Variants in UNC93B1 observed in about 807,000 individuals in gnomAD.
UNC93B1 encodes the protein unc-93B1 regulator of TLR signaling.
UNC93B1 carries 33 observed loss-of-function variants against 56.8 expected under a neutral mutation model. That is an observed-to-expected ratio of 0.58 (90% CI 0.44 to 0.78). UNC93B1 has a LOEUF of 0.78. UNC93B1 is among the 30% of genes least tolerant of loss of function. The pLI is 0.00. For synonymous variants in UNC93B1, 334 were observed against 358.6 expected, an observed-to-expected ratio of 0.93 and a Z score of 0.77; for missense variants, 673 against 819.5, an observed-to-expected ratio of 0.82 and a Z score of 2.18.
intron 5 of UNC93B1, among the ~76,000 whole-genome samples, chr11:67,998,943 G>T (rs1414668994): frequency 6.6e-6 from 1 of 152,038 alleles, no homozygotes; most frequent in Non-Finnish European, 1.5e-5. Flanking sequence ...AAATGAAGGT[G>T]GGGCAGATAC....
chr11:67,992,652 CTT>C (rs551140497), intron 10 of UNC93B1, among the ~76,000 whole-genome samples: 1 of 134,382 alleles, frequency 7.4e-6, no homozygotes, highest in Non-Finnish European at 1.6e-5. Flanking sequence ...CACTGCTTTT[CTT>C]TTTTTTTTTT....
In UNC93B1 at chr11:67,991,616, G is replaced by C. The variant is rs535779712; in HGVS notation, c.1724C>G (p.Pro575Arg). Residue 575 changes from proline to arginine, a missense_variant, in exon 11 of 11, where the codon CCC (proline) becomes CGC (arginine). Around this residue, in one of 3 missense-constraint regions of UNC93B1, gnomAD observed 80 missense variants for 85.3 expected, o/e 0.94. Coordinates refer to ENST00000227471, the MANE Select transcript of UNC93B1 (RefSeq NM_030930.4). ...GCAGGGCCGGCGGCCGAGTCCAGCG[G>C]GCTCGGGGCCAGGCCTGGGCCCTGC... ...PPAGPRPGPE[P>R]AGLGRRPCPY... The C allele has an allele frequency of 6.7e-7, 1 of 1,501,372 alleles. No individual in the cohort carries two copies. Among genetic ancestry groups the C allele is most frequent in the East Asian group, 2.6e-5 (1 of 38,304 alleles). The allele number at this position is 1,501,372 out of a possible 1,614,324, so 93.0% of individuals were successfully genotyped here.
At position 67,991,745 on chromosome 11, in the gene UNC93B1, G is replaced by A. The variant is rs1169184759; in HGVS notation, c.1595C>T (p.Pro532Leu). 1.9e-6 allele frequency: 3 copies of A among 1,538,996 alleles called. No individual in the cohort carries two copies. Among genetic ancestry groups the A allele is most frequent in the Admixed American group, 1.9e-5 (1 of 51,724 alleles). Residue 532 changes from proline to leucine, a missense_variant, in exon 11 of 11, where the codon CCC (proline) becomes CTC (leucine). Transcript: ENST00000227471. ...GCGGTAACCGCGCACCTTGTGCTGG[G>A]GCCGCGGGATGCGGGGCTGGCGCGG... ...VAPRQPRIPR[P>L]QHKVRGYRYL...
chr11:67,995,866 C>G lies in UNC93B1; in HGVS notation c.1108G>C (p.Val370Leu). The change falls in exon 9 of 11, where the codon GTG becomes CTG. Residue 370 changes from valine (V) to leucine (L), a missense_variant. Val to Leu is a conservative substitution (Grantham distance 32, BLOSUM62 1). Coordinates refer to ENST00000227471, the MANE Select transcript of UNC93B1 (RefSeq NM_030930.4). ...AGGTAAGCCAGCCGCTCCAGCCCCA[C>G]CGAGCACACGCCATAGCCCTGCGGG... is the stretch of plus-strand genomic sequence containing the variant. The part of the protein sequence containing the change: ...GIALGYGVCS[V>L]GLERLAYLLV... The G allele has an allele frequency of 6.5e-7, 1 of 1,530,462 alleles. No individual in the cohort carries two copies. The allele number at this position is 1,530,462 out of a possible 1,614,324, so 94.8% of individuals were successfully genotyped here. A position where few individuals can be genotyped will look rare whatever the true frequency, so the allele number is the denominator to read the frequency against.
intron 9 of UNC93B1, among the ~76,000 whole-genome samples, chr11:67,995,307 T>A (rs1856919548): frequency 6.6e-6 from 1 of 152,036 alleles, no homozygotes; most frequent in African/African-American, 2.4e-5. Context: ...GACCCTCCAG[T>A]GTTGATGGGG....
rs889626957 is a variant in UNC93B1, at chr11:68,003,066, G to A, written c.348C>T (p.Asn116=). ...DIDSKMLMGI[N]VTPIAALLYT... The stretch of plus-strand genomic sequence containing the variant: ...AGAGCAGGGCGGCGATGGGAGTCAC[G>A]TTGATGCCCATCAGCATTTTGCTGT... Residue 116 remains asparagine, a synonymous_variant, in exon 3 of 11, where the codon AAC becomes AAT. Coordinates refer to ENST00000227471, the MANE Select transcript of UNC93B1 (RefSeq NM_030930.4). This position sits in a 1 kb window ranked among gnomAD's most constrained non-coding sequence, Gnocchi z 4.4. The A allele has an allele frequency of 9.9e-6, 16 of 1,612,810 alleles. No homozygotes were observed. The highest frequency in any genetic ancestry group is 1.4e-5 in the Non-Finnish European group (16 of 1,179,606).
Position 68,003,757 on chromosome 11 carries a change from C to G in UNC93B1, c.138G>C (p.Glu46Asp). The change falls in exon 2 of 11, where the codon GAG becomes GAC. Residue 46 changes from glutamate (E) to aspartate (D), a missense_variant. Glu to Asp is a conservative substitution (Grantham distance 45, BLOSUM62 2). Coordinates refer to ENST00000227471, the MANE Select transcript of UNC93B1 (RefSeq NM_030930.4). The surrounding 1 kb of genome is among the most constrained non-coding windows in gnomAD (Gnocchi z 4.4). ...LVGAYPNYNE[E>D]EEERRYYRRK... ...GGCGGTAGTAGCGGCGCTCCTCCTCCTCCTCGTTGTAGTTGGGGTACGCGC... is the reference window on the plus strand; with the variant it reads ...GGCGGTAGTAGCGGCGCTCCTCCTCGTCCTCGTTGTAGTTGGGGTACGCGC... 1.3e-6 allele frequency: 2 copies of G among 1,522,478 alleles called. No individual in the cohort carries two copies. The highest frequency in any genetic ancestry group is 1.8e-6 in the Non-Finnish European group (2 of 1,141,444). The allele number at this position is 1,522,478 out of a possible 1,614,324, so 94.3% of individuals were successfully genotyped here.
chr11:67,995,316 G>A (rs1856919619), intron 9 of UNC93B1, among the ~76,000 whole-genome samples: 1 of 152,078 alleles, frequency 6.6e-6, no homozygotes, highest in Non-Finnish European at 1.5e-5. Flanking sequence ...GTGTTGATGG[G>A]GCCCTGTGCC....
rs1392633933 is a variant in UNC93B1, at chr11:68,003,641, C to T, written c.238+16G>A. 3.3e-6 allele frequency: 5 copies of T among 1,512,876 alleles called. No homozygotes were observed. Among genetic ancestry groups the T allele is most frequent in the African/African-American group, 1.4e-5 (1 of 69,688 alleles). 93.7% of individuals were successfully genotyped at this position (1,512,876 alleles called of 1,614,324 possible). ...GGAGCGGGCGGGGCGGCCCCGGGTC[C>T]CCGAGCGGCACCTACCCAGGTAGAC... is the stretch of plus-strand genomic sequence containing the variant. On this transcript the variant is annotated intron_variant, in intron 2 of 10. Transcript: ENST00000227471. The surrounding 1 kb of genome is among the most constrained non-coding windows in gnomAD (Gnocchi z 4.4).
At chr11:67,996,408 A>G (rs1298357397) in intron 8 of UNC93B1, among the ~76,000 whole-genome samples, 194 bp downstream of exon 8, 1 of 152,128 alleles carries the variant, frequency 6.6e-6, no homozygotes, top group Non-Finnish European at 1.5e-5. Context: ...TTCGATTCAG[A>G]GAAGTTAAAA....
rs2134360664 is a variant in UNC93B1, at chr11:67,996,641, G to A, written c.1050C>T (p.Ser350=). ...LRHLVPFFIY[S]GFEVLFACTG... ...TGCAGGCAAAGAGCACCTCGAAGCC[G>A]CTGTAGATAAAGAAAGGCACGAGGT... The change falls in exon 8 of 11, where the codon AGC becomes AGT. Residue 350 remains serine, a synonymous_variant. Coordinates refer to ENST00000227471, the MANE Select transcript of UNC93B1 (RefSeq NM_030930.4). 6.4e-7 allele frequency: 1 copy of A among 1,551,484 alleles called. No individual in the cohort carries two copies. The highest frequency in any genetic ancestry group is 2.4e-5 in the East Asian group (1 of 40,918).
chr11:68,004,067 G>A lies in UNC93B1; in HGVS notation c.-24C>T. On this transcript the variant is annotated 5_prime_UTR_variant, in exon 1 of 11. Coordinates refer to ENST00000227471, the MANE Select transcript of UNC93B1 (RefSeq NM_030930.4). ...ATGGCCCGAACTACTGCGGACTCGCGGCGGTCGCCCCGGAGTCCCTGCGAC... is the reference window on the plus strand; with the variant it reads ...ATGGCCCGAACTACTGCGGACTCGCAGCGGTCGCCCCGGAGTCCCTGCGAC... 3 of 1,324,552 alleles carry A rather than the reference G, an allele frequency of 2.3e-6. No individual in the cohort carries two copies. The highest frequency in any genetic ancestry group is 2.9e-6 in the Non-Finnish European group (3 of 1,035,210). The allele number at this position is 1,324,552 out of a possible 1,614,324, so 82.0% of individuals were successfully genotyped here.
intron 9 of UNC93B1, among the ~76,000 whole-genome samples, chr11:67,994,830 C>G (rs1565123784): frequency 6.6e-6 from 1 of 152,248 alleles, no homozygotes; most frequent in Non-Finnish European, 1.5e-5. Context: ...CTGTTCACAG[C>G]TTCGGCCCAT....
rs57984860 is a variant in UNC93B1 at position 68,000,417 on chromosome 11, C to T, written c.393-737G>A. On this transcript the variant is annotated intron_variant, in intron 3 of 10. Transcript: ENST00000227471. ...CAGTGGCTCACATCTGTAATTCCAGCACTTTAGGAGGTGGAGGTGGGCAGA... is the reference window on the plus strand; with the variant it reads ...CAGTGGCTCACATCTGTAATTCCAGTACTTTAGGAGGTGGAGGTGGGCAGA... Among the ~76,000 whole-genome samples the T allele has an allele frequency of 4.1e-3, 623 of 152,338 alleles. 4 individuals are homozygous for T. Among genetic ancestry groups the T allele is most frequent in the African/African-American group, 0.014 (590 of 41,576 alleles).
At chr11:67,992,856 A>G (rs1404338211) in intron 10 of UNC93B1, among the ~76,000 whole-genome samples, 7 of 147,674 alleles carry the variant, frequency 4.7e-5, no homozygotes, top group Admixed American at 2.7e-4. Context: ...GTAGAGACAG[A>G]GTTTCACAGC....
chr11:67,991,929 G>C, intron 10 of UNC93B1, 72 bp from the exon 11 acceptor site: 1 of 1,461,270 alleles, frequency 6.8e-7, no homozygotes, highest in Non-Finnish European at 9.1e-7. Flanking sequence ...TATGCCCCTC[G>C]CTGAGATAGG....
chr11:67,993,985 C>T (rs557588822), intron 9 of UNC93B1, among the ~76,000 whole-genome samples, 191 bp from the exon 10 acceptor site: 1 of 152,342 alleles, frequency 6.6e-6, no homozygotes, highest in East Asian at 1.9e-4. Context: ...ACTGCTCACA[C>T]GCTAAGCAGA....
intron 5 of UNC93B1, 106 bp from the exon 6 acceptor site, chr11:67,998,558 C>A (rs1856991258): frequency 8.9e-7 from 1 of 1,126,386 alleles, no homozygotes; most frequent in African/African-American, 1.5e-5. Flanking sequence ...GGAACAGGGG[C>A]CTTCCCAGTT....
intron 3 of UNC93B1, 134 bp downstream of exon 3, chr11:68,002,888 G>A (rs1216006270): frequency 1.7e-6 from 2 of 1,205,584 alleles, no homozygotes; most frequent in Non-Finnish European, 1.1e-6. Flanking sequence ...TCAGGCTTCC[G>A]GGTAGAAAAA....
Sources: allele counts gnomAD v4.1 joint callset (sites outside exome capture counted in the v4.1 genomes callset), GRCh38; gene constraint gnomAD v4.1.1; regional missense constraint gnomAD v4.1.1; non-coding constraint Gnocchi (gnomAD v3.1); transcripts MANE v1.5; gene names NCBI Gene and HGNC (gene_info 2026-07-23, HGNC 2026-07-21).